LDLRAD3: variants seen among roughly 807,000 people sequenced by gnomAD.
The protein encoded by LDLRAD3 is low-density lipoprotein receptor class A domain-containing protein 3.
In LDLRAD3, 20 loss-of-function variants were observed where a neutral mutation model predicts 29.4. The ratio of observed to expected loss-of-function variants is 0.68; its 90% CI spans 0.48 to 0.99. The LOEUF (loss-of-function observed/expected upper bound fraction) is 0.99, where lower values mean the gene tolerates loss of function less well. Ranked by LOEUF, LDLRAD3 falls within the 50% of genes least tolerant of loss-of-function variation. The probability of loss-of-function intolerance (pLI) is 0.00; values close to 1 mark genes in which losing one functional copy is unlikely to be tolerated. For synonymous variants in LDLRAD3, 157 were observed against 192.7 expected (o/e 0.81, Z 1.53); for missense variants, 420 against 454.3 (o/e 0.92, Z 0.69).
chr11:36,087,715 AT>A (rs200090248), intron 3 of LDLRAD3, among the ~76,000 whole-genome samples: 4,099 of 148,704 alleles, frequency 0.028, 78 homozygotes, highest in Non-Finnish European at 0.039. Flanking sequence ...AGTATATATA[AT>A]TTTTTTTTTT....
At chr11:36,146,002 T>TAAAAAAAA (rs367591997) in intron 4 of LDLRAD3, among the ~76,000 whole-genome samples, 3 of 138,676 alleles carry the variant, frequency 2.2e-5, no homozygotes, top group Admixed American at 7.1e-5. Flanking sequence ...GAATGATCAA[T>TAAAAAAAA]AAAAAAAAGA....
chr11:36,088,307 C>T (rs1036321909), intron 3 of LDLRAD3, among the ~76,000 whole-genome samples: 10 of 152,114 alleles, frequency 6.6e-5, no homozygotes, highest in African/African-American at 1.2e-4. Context: ...GCTGGCAGCA[C>T]GGCTCTCACC....
intron 2 of LDLRAD3, among the ~76,000 whole-genome samples, chr11:36,057,214 C>CA (rs1218570935): frequency 6.6e-6 from 1 of 152,180 alleles, no homozygotes; most frequent in Admixed American, 6.5e-5. Context: ...CCGCCTCACT[C>CA]AGTGGTTCCT....
intron 2 of LDLRAD3, among the ~76,000 whole-genome samples, chr11:36,074,209 C>T (rs1852956089): frequency 6.6e-6 from 1 of 152,166 alleles, no homozygotes; most frequent in African/African-American, 2.4e-5. Context: ...TGAAAGTATG[C>T]AAATGAGCGT....
chr11:36,116,691 TA>T (rs1323127580), intron 4 of LDLRAD3, among the ~76,000 whole-genome samples: 5 of 151,754 alleles, frequency 3.3e-5, no homozygotes. Context: ...AATAAAAAAA[TA>T]AAAAAATAAC....
chr11:36,079,159 C>T (rs750098543), intron 2 of LDLRAD3, among the ~76,000 whole-genome samples: 5 of 152,188 alleles, frequency 3.3e-5, no homozygotes, highest in East Asian at 1.9e-4. Flanking sequence ...GTGATGGCAG[C>T]GGCCACTCTG....
intron 4 of LDLRAD3, among the ~76,000 whole-genome samples, chr11:36,190,407 G>A (rs2133365221): frequency 6.6e-6 from 1 of 152,248 alleles, no homozygotes; most frequent in South Asian, 2.1e-4. Flanking sequence ...GGCTGAGGTG[G>A]GAGGATTGCT....
At position 36,217,074 on chromosome 11, in the gene LDLRAD3, AAAG is replaced by A. The variant is rs933209607; in HGVS notation, c.455-10004_455-10002del. Among the ~76,000 whole-genome samples the A allele has an allele frequency of 4.6e-5, 7 of 152,344 alleles. No homozygotes were observed. The South Asian group carries it at 8.3e-4, about 18-fold the overall frequency. ...ATGGCACACTTCACAGGATTGTTGT[AAAG>A]AAGAAGGGAAATTGTGTATATCAAA... On this transcript the variant is annotated intron_variant, in intron 4 of 5. Transcript: ENST00000315571.
chr11:35,968,481 CTTCTTT>C (rs1851369692), intron 1 of LDLRAD3: 1 of 365,070 alleles, frequency 2.7e-6, no homozygotes, highest in South Asian at 2.8e-5. Context: ...TGATCTGGAT[CTTCTTT>C]TTCTTTTTCC....
At chr11:36,079,826 C>T (rs1853083273) in intron 2 of LDLRAD3, among the ~76,000 whole-genome samples, 1 of 152,170 alleles carries the variant, frequency 6.6e-6, no homozygotes, top group African/African-American at 2.4e-5. Context: ...CCGACTTGGG[C>T]CCTCTTACTT....
At chr11:36,133,348 CT>C (rs1853955107) in intron 4 of LDLRAD3, among the ~76,000 whole-genome samples, 1 of 62,964 alleles carries the variant, frequency 1.6e-5, no homozygotes, top group South Asian at 7.0e-4. Flanking sequence ...AGTCCATTTT[CT>C]TTTCCTTTCT....
chr11:36,135,066 C>T (rs144444185), intron 4 of LDLRAD3, among the ~76,000 whole-genome samples: 10 of 152,262 alleles, frequency 6.6e-5, no homozygotes, highest in African/African-American at 1.9e-4. Flanking sequence ...GTTGTAGGTG[C>T]AGCAAAAGAA....
intron 4 of LDLRAD3, among the ~76,000 whole-genome samples, chr11:36,111,877 G>A (rs1372341659): frequency 6.6e-6 from 1 of 152,192 alleles, no homozygotes; most frequent in Non-Finnish European, 1.5e-5. Flanking sequence ...GGTTACAGGC[G>A]TGAGCCACCA....
intron 1 of LDLRAD3, among the ~76,000 whole-genome samples, chr11:36,021,613 G>C (rs1374511455): frequency 6.6e-6 from 1 of 152,190 alleles, no homozygotes; most frequent in Admixed American, 6.5e-5. Flanking sequence ...CAGATGGCAA[G>C]GGATTGAAGA....
intron 1 of LDLRAD3, 59 bp from the exon 2 acceptor site, chr11:36,036,044 A>G (rs1268540676): frequency 1.2e-5 from 19 of 1,556,028 alleles, no homozygotes; most frequent in Non-Finnish European, 1.7e-5. Flanking sequence ...CTTTCAGTTG[A>G]GGGGCGCTGA....
In LDLRAD3 at chr11:36,025,613, TCTC is replaced by T. The variant is rs1852155260; in HGVS notation, c.47-10487_47-10485del. 2.0e-5 allele frequency among the ~76,000 whole-genome samples: 3 copies of T among 151,650 alleles called. No individual in the cohort carries two copies. The South Asian group carries it at 6.3e-4, about 32-fold the overall frequency. On this transcript the variant is annotated intron_variant, in intron 1 of 5. Coordinates refer to ENST00000315571, the MANE Select transcript of LDLRAD3 (RefSeq NM_174902.4). ...ACCCTGTTAGCCAGGATGGGCTTGA[TCTC>T]CTGACCTTGTGATCTGCCCGCCTCG...
intron 1 of LDLRAD3, among the ~76,000 whole-genome samples, chr11:35,961,675 C>A (rs1321520653): frequency 6.6e-6 from 1 of 152,156 alleles, no homozygotes; most frequent in Non-Finnish European, 1.5e-5. Context: ...CTCAGTTGTG[C>A]TTTGGTTTGT....
chr11:35,952,039 G>T (rs542248871), intron 1 of LDLRAD3, among the ~76,000 whole-genome samples: 1 of 152,318 alleles, frequency 6.6e-6, no homozygotes, highest in South Asian at 2.1e-4. Flanking sequence ...TCTGGTGTGT[G>T]TACATACTAT....
At position 36,035,153 on chromosome 11, in the gene LDLRAD3, TGTG is replaced by T. The variant is rs541872088; in HGVS notation, c.47-946_47-944del. Among the ~76,000 whole-genome samples the T allele has an allele frequency of 2.7e-3, 408 of 150,980 alleles. 1 individual carries two copies. The highest frequency in any genetic ancestry group is 5.5e-3 in the Admixed American group (82 of 15,006). On this transcript the variant is annotated intron_variant, in intron 1 of 5. Coordinates refer to ENST00000315571, the MANE Select transcript of LDLRAD3 (RefSeq NM_174902.4). ...ATGACTCAGGAGGGAGCTCTGGAGTTGTGGTGTGCTGAAGGACTGGTCTTTTTT... is the reference window on the plus strand; with the variant it reads ...ATGACTCAGGAGGGAGCTCTGGAGTTGTGTGCTGAAGGACTGGTCTTTTTT...
Sources: allele counts gnomAD v4.1 joint callset (sites outside exome capture counted in the v4.1 genomes callset), GRCh38; gene constraint gnomAD v4.1.1; transcripts MANE v1.5; gene names NCBI Gene and HGNC (gene_info 2026-07-23, HGNC 2026-07-21).